The following CABYR variants were observed in gnomAD, a reference collection of about 807,000 sequenced individuals.
CABYR encodes the protein calcium binding tyrosine phosphorylation regulated.
Under a neutral mutation model 36.1 loss-of-function variants are expected in CABYR, and 31 were observed. The ratio of observed to expected loss-of-function variants is 0.86; its 90% CI spans 0.64 to 1.16. The LOEUF is 1.16. Among genes scored for constraint, CABYR ranks in the 50% most tolerant of loss-of-function variants. CABYR has a pLI of 0.00. For synonymous variants in CABYR, 146 were observed against 160.7 expected, an observed-to-expected ratio of 0.91 and a Z score of 0.69; for missense variants, 429 against 455.8, an observed-to-expected ratio of 0.94 and a Z score of 0.53.
Position 24,159,650 on chromosome 18 carries a change from AAAAGTC to A in CABYR, c.722_727del (p.Lys241_Val242del). Reference sequence around the variant, plus strand: ...ATCCACAGTTTCAGCAGCATCCACCAAAAGTCACTTTTCCAACTTATGTGATGGGCG... The same window carrying A: ...ATCCACAGTTTCAGCAGCATCCACCAACTTTTCCAACTTATGTGATGGGCG... On this transcript the variant is annotated inframe_deletion, in exon 5 of 6. Transcript: ENST00000399496. 6.2e-7 allele frequency: 1 copy of A among 1,614,048 alleles called. No homozygotes were observed. Among genetic ancestry groups the A allele is most frequent in the Non-Finnish European group, 8.5e-7 (1 of 1,180,002 alleles).
chr18:24,149,318 T>C (rs189998628), intron 3 of CABYR, among the ~76,000 whole-genome samples: 2 of 152,206 alleles, frequency 1.3e-5, no homozygotes, highest in African/African-American at 4.8e-5. Context: ...AGTATCTAGA[T>C]ACAGAGTGTT....
At chr18:24,156,080 G>C (rs2085775643) in intron 4 of CABYR, 38 bp downstream of exon 4, 5 of 1,614,210 alleles carry the variant, frequency 3.1e-6, no homozygotes, top group East Asian at 4.5e-5. Flanking sequence ...AATCTGATGT[G>C]TTAATGGTGG....
In CABYR at chr18:24,159,627, C is replaced by T. The variant is rs1567905092; in HGVS notation, c.697C>T (p.Pro233Ser). Reference protein sequence around the residue: ...ATLYLPNPKDPQFQQHPPKVT... With the variant: ...ATLYLPNPKDSQFQQHPPKVT... ...CCTCTATTTACCTAATCCTAAGGAT[C>T]CACAGTTTCAGCAGCATCCACCAAA... The change falls in exon 5 of 6, where the codon CCA (proline) becomes TCA (serine). Residue 233 changes from proline to serine, a missense_variant. Physicochemically the swap from Pro to Ser is moderately conservative, Grantham distance 74 (BLOSUM62 -1). Transcript: ENST00000399496. The T allele has an allele frequency of 6.2e-7, 1 of 1,614,072 alleles. No homozygotes were observed. The highest frequency in any genetic ancestry group is 1.3e-5 in the African/African-American group (1 of 74,992).
rs1413837149 is a variant in CABYR at position 24,156,249 on chromosome 18, A to G, written c.541+207A>G. 6 of 1,614,152 alleles carry G rather than the reference A, an allele frequency of 3.7e-6. No individual in the cohort carries two copies. The South Asian group carries it at 6.6e-5, about 18-fold the overall frequency. On this transcript the variant is annotated intron_variant, in intron 4 of 5. Coordinates refer to ENST00000399496, the MANE Select transcript of CABYR (RefSeq NM_153769.3). ...CCATGTAGATTTGGGTTCTCAACCTAAAGAAAATGAGGCTGAACCATCAAC... is the reference window on the plus strand; with the variant it reads ...CCATGTAGATTTGGGTTCTCAACCTGAAGAAAATGAGGCTGAACCATCAAC...
chr18:24,155,841 G>A lies in CABYR; in HGVS notation c.340G>A (p.Glu114Lys). ...DTDEDNVTRT[E>K]YSDKTTQFPS... ...AGACGAGGACAATGTAACCAGAACA[G>A]AATATAGTGACAAAACCACCCAGTT... The change falls in exon 4 of 6, where the codon GAA becomes AAA. Residue 114 changes from glutamate to lysine, a missense_variant. Coordinates refer to ENST00000399496, the MANE Select transcript of CABYR (RefSeq NM_153769.3). 1 of 1,614,184 alleles carries A rather than the reference G, an allele frequency of 6.2e-7. No individual in the cohort carries two copies. Among genetic ancestry groups the A allele is most frequent in the Non-Finnish European group, 8.5e-7 (1 of 1,180,042 alleles).
intron 1 of CABYR, among the ~76,000 whole-genome samples, chr18:24,142,799 G>A (rs1341526617): frequency 6.6e-6 from 1 of 151,872 alleles, no homozygotes; most frequent in South Asian, 2.1e-4. Context: ...TTGGGAGGCC[G>A]AGGCGGGCAG....
chr18:24,151,687 CTTTTTTT>C (rs35513415), intron 3 of CABYR, among the ~76,000 whole-genome samples: 1 of 123,942 alleles, frequency 8.1e-6, no homozygotes, highest in Non-Finnish European at 1.6e-5. Flanking sequence ...CTAGTGTTGG[CTTTTTTT>C]TTTTTTTTTT....
intron 4 of CABYR, among the ~76,000 whole-genome samples, chr18:24,158,661 G>A (rs1488005196): frequency 2.0e-5 from 3 of 152,232 alleles, no homozygotes; most frequent in Admixed American, 6.5e-5. Context: ...AGGCTGCACC[G>A]GGGATAGATG....
intron 3 of CABYR, among the ~76,000 whole-genome samples, chr18:24,149,722 C>T (rs920135785): frequency 1.3e-5 from 2 of 152,252 alleles, no homozygotes; most frequent in African/African-American, 4.8e-5. Context: ...TAAGGCCCGG[C>T]GAGAAATCAA....
chr18:24,155,711 G>C lies in CABYR; in HGVS notation c.210G>C (p.Trp70Cys), dbSNP rs764844229. ...KQFHQIKVEK[W>C]SEGTTPQKKL... ...GTTGTTGTTTTTCAGTAGAGAAATG[G>C]TCAGAAGGAACGACACCACAGAAGA... is the stretch of plus-strand genomic sequence containing the variant. Residue 70 changes from tryptophan (W) to cysteine (C), a missense_variant, in exon 4 of 6, where the codon TGG (tryptophan) becomes TGC (cysteine). Physicochemically the swap from Trp to Cys is radical, Grantham distance 215. Transcript: ENST00000399496. 5 of 1,592,378 alleles carry C rather than the reference G, an allele frequency of 3.1e-6. No homozygotes were observed. Among genetic ancestry groups the C allele is most frequent in the Non-Finnish European group, 4.3e-6 (5 of 1,171,232 alleles).
At chr18:24,156,938 T>C (rs2085806486) in intron 4 of CABYR, 1 of 1,612,216 alleles carries the variant, frequency 6.2e-7, no homozygotes, top group African/African-American at 1.3e-5. Flanking sequence ...CAGAAGGCCT[T>C]ACTGCACCAG....
In CABYR at chr18:24,155,985, T is replaced by C. The variant is rs1425925241; in HGVS notation, c.484T>C (p.Ser162Pro). 1.9e-6 allele frequency: 3 copies of C among 1,614,174 alleles called. No individual in the cohort carries two copies. The highest frequency in any genetic ancestry group is 1.7e-6 in the Non-Finnish European group (2 of 1,180,032). The change falls in exon 4 of 6, where the codon TCA (serine) becomes CCA (proline). Residue 162 changes from serine to proline, a missense_variant. Coordinates refer to ENST00000399496, the MANE Select transcript of CABYR (RefSeq NM_153769.3). ...CTCATCACCACCTCCAACAGCTGTCTCACCAGAGTTTGCCTACGTCCCAGC... is the reference window on the plus strand; with the variant it reads ...CTCATCACCACCTCCAACAGCTGTCCCACCAGAGTTTGCCTACGTCCCAGC... Reference protein sequence around the residue: ...PPSSPPPTAVSPEFAYVPADP... With the variant: ...PPSSPPPTAVPPEFAYVPADP...
intron 3 of CABYR, among the ~76,000 whole-genome samples, chr18:24,144,615 A>G (rs548165142): frequency 2.5e-4 from 38 of 152,276 alleles, no homozygotes; most frequent in African/African-American, 8.4e-4. Flanking sequence ...CAAACAAACA[A>G]AAGAAAACAA....
intron 4 of CABYR, 36 bp downstream of exon 4, chr18:24,156,078 G>A (rs2145880254): frequency 4.3e-6 from 7 of 1,614,210 alleles, no homozygotes; most frequent in Non-Finnish European, 5.1e-6. Context: ...TCAATCTGAT[G>A]TGTTAATGGT....
intron 5 of CABYR, 43 bp downstream of exon 5, chr18:24,160,112 G>A (rs376301224): frequency 3.2e-5 from 42 of 1,324,390 alleles, no homozygotes; most frequent in African/African-American, 7.4e-5. Flanking sequence ...CTTAACACAC[G>A]CGCGTTTTAA....
intron 3 of CABYR, among the ~76,000 whole-genome samples, chr18:24,154,102 C>CAAAAAAAA (rs33985751): frequency 7.0e-5 from 4 of 57,420 alleles, no homozygotes; most frequent in Non-Finnish European, 9.2e-5. Context: ...GACTCCATCT[C>CAAAAAAAA]AAAAAAAAAA....
rs1339426369 is a variant in CABYR, at chr18:24,150,968, A to G, written c.200-4733A>G. Among the ~76,000 whole-genome samples, 3 of 151,818 alleles carry G rather than the reference A, an allele frequency of 2.0e-5. No individual in the cohort carries two copies. In the East Asian group the frequency reaches 5.8e-4, roughly 29 times the overall value. On this transcript the variant is annotated intron_variant, in intron 3 of 5. Coordinates refer to ENST00000399496, the MANE Select transcript of CABYR (RefSeq NM_153769.3). The stretch of plus-strand genomic sequence containing the variant: ...CTAATTTTTTGTATTTTTAGTAGAG[A>G]CAGGGTTTCACCGTGTTAGCCAGGA...
At chr18:24,161,033 CTGAT>C (rs541412458) in intron 5 of CABYR, among the ~76,000 whole-genome samples, 1 of 152,260 alleles carries the variant, frequency 6.6e-6, no homozygotes, top group Non-Finnish European at 1.5e-5. Flanking sequence ...AGAAGAATGA[CTGAT>C]TGCTGTTTTT....
Position 24,160,039 on chromosome 18 carries a change from A to C in CABYR, c.1109A>C (p.His370Pro), listed in dbSNP as rs149439567. 1.2e-6 allele frequency: 2 copies of C among 1,613,274 alleles called. No homozygotes were observed. The highest frequency in any genetic ancestry group is 1.7e-6 in the Non-Finnish European group (2 of 1,179,680). ...GGGGAGGTAACCGTGACTACTGCTC[A>C]CAAACGTCGCAAAGCAGAAACTGAA... is the stretch of plus-strand genomic sequence containing the variant. The part of the protein sequence containing the change: ...IAGEVTVTTA[H>P]KRRKAETEN Residue 370 changes from histidine to proline, a missense_variant, in exon 5 of 6, where the codon CAC (histidine) becomes CCC (proline). By Grantham distance (77) the His-to-Pro change is moderately conservative (BLOSUM62 -2). Coordinates refer to ENST00000399496, the MANE Select transcript of CABYR (RefSeq NM_153769.3).
Sources: gnomAD v4.1 joint callset for allele counts (sites outside exome capture counted in the v4.1 genomes callset) on GRCh38, gnomAD v4.1.1 for gene constraint, MANE v1.5 for transcripts, NCBI Gene and HGNC (gene_info 2026-07-23, HGNC 2026-07-21) for gene names.